Variants in SNCAIP observed in about 807,000 individuals in gnomAD.
SNCAIP encodes synuclein alpha interacting protein.
A neutral mutation model predicts 86.7 loss-of-function variants in SNCAIP; 43 were observed. That is an observed-to-expected ratio of 0.50 (90% confidence interval 0.39 to 0.64). The LOEUF (loss-of-function observed/expected upper bound fraction) is 0.64. Ranked by LOEUF, SNCAIP falls within the 30% of genes least tolerant of loss-of-function variation. The pLI is 0.00. For missense variants in SNCAIP, 981 were observed against 1,103.1 expected, an observed-to-expected ratio of 0.89 and a Z score of 1.57; for synonymous variants, 417 against 427.2, an observed-to-expected ratio of 0.98 and a Z score of 0.29.
chr5:122,444,916 G>T (rs1055595748), intron 8 of SNCAIP, 184 bp downstream of exon 8: 6 of 656,916 alleles, frequency 9.1e-6, no homozygotes, highest in Admixed American at 8.5e-5. Context: ...TGCCATCTCT[G>T]CAGAGGCAAA....
chr5:122,382,939 C>A (rs1407473636), intron 1 of SNCAIP, among the ~76,000 whole-genome samples: 2 of 152,220 alleles, frequency 1.3e-5, no homozygotes, highest in African/African-American at 4.8e-5. Flanking sequence ...CCACTGCTCT[C>A]TTCAAAGCTG....
intron 5 of SNCAIP, among the ~76,000 whole-genome samples, chr5:122,430,601 G>A (rs926477413): frequency 1.3e-5 from 2 of 152,082 alleles, no homozygotes; most frequent in African/African-American, 4.8e-5. Context: ...GAGGAGATAC[G>A]TATCTGGGTT....
chr5:122,419,561 G>T (rs2617290), intron 3 of SNCAIP, among the ~76,000 whole-genome samples: 48,298 of 151,386 alleles, frequency 0.32, 8,006 homozygotes, highest in Non-Finnish European at 0.35. Context: ...AAGTCATTAT[G>T]AATCTACTTA....
upstream of SNCAIP, chr5:122,312,114 C>G (rs1370919083): frequency 2.7e-5 from 4 of 148,286 alleles, no homozygotes; most frequent in South Asian, 2.1e-4. Context: ...GTTGGGGGGC[C>G]CGGGGAGCGG....
At chr5:122,359,349 T>TTTTTTTATTTATTTA (rs372903978) in intron 1 of SNCAIP, among the ~76,000 whole-genome samples, 7 of 142,238 alleles carry the variant, frequency 4.9e-5, no homozygotes, top group Middle Eastern at 3.7e-3. Flanking sequence ...AGATTTTTAT[T>TTTTTTTATTTATTTA]TTTATTTATT....
intron 2 of SNCAIP, 110 bp from the exon 3 acceptor site, chr5:122,403,683 A>G: frequency 1.1e-6 from 1 of 884,044 alleles, no homozygotes; most frequent in Non-Finnish European, 1.9e-6. Context: ...TTCTGAATAT[A>G]CATGTTGTGC....
At chr5:122,326,606 C>CTTTTTTTTTTTTTTTTT (rs11297385) in intron 1 of SNCAIP, among the ~76,000 whole-genome samples, 1 of 42,110 alleles carries the variant, frequency 2.4e-5, no homozygotes, top group East Asian at 5.3e-4. Flanking sequence ...GAAATGTCTC[C>CTTTTTTTTTTTTTTTTT]TTTTTTTTTT....
At chr5:122,459,749 C>T (rs375372687) in intron 10 of SNCAIP, among the ~76,000 whole-genome samples, 1 of 152,228 alleles carries the variant, frequency 6.6e-6, no homozygotes, top group East Asian at 1.9e-4. Flanking sequence ...TGACCAAAAC[C>T]TTCTTTTAAG....
At chr5:122,337,261 C>A (rs935987507) in intron 1 of SNCAIP, among the ~76,000 whole-genome samples, 6 of 151,886 alleles carry the variant, frequency 4.0e-5, no homozygotes, top group Non-Finnish European at 8.8e-5. Flanking sequence ...GATTGTGGAA[C>A]CAGTAGAAAG....
chr5:122,320,958 TC>T (rs35345894), intron 1 of SNCAIP, among the ~76,000 whole-genome samples: 1 of 152,044 alleles, frequency 6.6e-6, no homozygotes, highest in Non-Finnish European at 1.5e-5. Flanking sequence ...GATGGGTCGG[TC>T]CCCCTGTTGT....
chr5:122,438,141 C>T (rs771393886), intron 6 of SNCAIP, among the ~76,000 whole-genome samples: 1 of 152,170 alleles, frequency 6.6e-6, no homozygotes, highest in African/African-American at 2.4e-5. Flanking sequence ...TCAAGGAATA[C>T]AGCAGGTCCT....
At chr5:122,457,705 C>T (rs1448298555) in intron 10 of SNCAIP, among the ~76,000 whole-genome samples, 2 of 152,116 alleles carry the variant, frequency 1.3e-5, no homozygotes, top group Admixed American at 1.3e-4. Flanking sequence ...CCTGTAGTTT[C>T]AAAGTATTTT....
chr5:122,459,031 C>T (rs946636474), intron 10 of SNCAIP, among the ~76,000 whole-genome samples: 2 of 152,088 alleles, frequency 1.3e-5, no homozygotes, highest in Non-Finnish European at 2.9e-5. Context: ...CTTCCCACAG[C>T]GGGGAAAAAT....
intron 5 of SNCAIP, among the ~76,000 whole-genome samples, chr5:122,427,806 C>T (rs1777651348): frequency 6.6e-6 from 1 of 152,102 alleles, no homozygotes; most frequent in Non-Finnish European, 1.5e-5. Context: ...TAACAGGAAG[C>T]AGAGTCAGGG....
chr5:122,440,780 T>G, intron 7 of SNCAIP, 26 bp downstream of exon 7: 3 of 1,607,354 alleles, frequency 1.9e-6, no homozygotes, highest in South Asian at 2.2e-5. Flanking sequence ...TGTTTTGCAA[T>G]GAGAAATGAG....
chr5:122,423,540 G>A lies in SNCAIP; in HGVS notation c.803G>A (p.Gly268Asp). 1 of 1,614,144 alleles carries A rather than the reference G, an allele frequency of 6.2e-7. No homozygotes were observed. The highest frequency in any genetic ancestry group is 8.5e-7 in the Non-Finnish European group (1 of 1,180,026). The change falls in exon 4 of 11, where the codon GGT becomes GAT. Residue 268 changes from glycine (G) to aspartate (D), a missense_variant. Physicochemically the swap from Gly to Asp is moderately conservative, Grantham distance 94. Transcript: ENST00000261368. ...AACAAGACATTTAGTGATCCTCATG[G>A]TCGAAAAGTTGAGAAGACAACACCA... Reference protein sequence around the residue: ...FLNKTFSDPHGRKVEKTTPDC... With the variant: ...FLNKTFSDPHDRKVEKTTPDC...
chr5:122,388,740 G>A (rs1768741160), intron 1 of SNCAIP: 1 of 152,194 alleles, frequency 6.6e-6, no homozygotes, highest in Non-Finnish European at 1.5e-5. Context: ...CATTATAATT[G>A]AGAATGTAAA....
intron 3 of SNCAIP, among the ~76,000 whole-genome samples, chr5:122,421,533 G>A (rs1776351804): frequency 6.6e-6 from 1 of 152,174 alleles, no homozygotes; most frequent in Non-Finnish European, 1.5e-5. Flanking sequence ...ATAGATGTGA[G>A]TATACACCCA....
intron 7 of SNCAIP, 61 bp downstream of exon 7, chr5:122,440,815 T>C: frequency 6.9e-7 from 1 of 1,452,892 alleles, no homozygotes; most frequent in Non-Finnish European, 9.7e-7. Flanking sequence ...AACAAAACAT[T>C]AAAATTATGT....
Sources: allele counts gnomAD v4.1 joint callset (sites outside exome capture counted in the v4.1 genomes callset), GRCh38; gene constraint gnomAD v4.1.1; transcripts MANE v1.5; gene names NCBI Gene and HGNC (gene_info 2026-07-23, HGNC 2026-07-21).